CSMD2: variants seen among roughly 807,000 people sequenced by gnomAD.
The protein encoded by CSMD2 is CUB and sushi domain-containing protein 2.
A neutral mutation model predicts 398.5 loss-of-function variants in CSMD2; 130 were observed. The ratio of observed to expected loss-of-function variants is 0.33; its 90% CI spans 0.28 to 0.38. The LOEUF (loss-of-function observed/expected upper bound fraction) is 0.38, where lower values mean the gene tolerates loss of function less well. Among genes scored for constraint, CSMD2 ranks in the 10% least tolerant of loss-of-function variants. The pLI, the probability that CSMD2 is intolerant of heterozygous loss-of-function variation, is 1.00. For synonymous variants in CSMD2, 1,828 were observed against 1,908.5 expected (o/e 0.96, Z 1.10); for missense variants, 3,829 against 4,764.9 (o/e 0.80, Z 5.78).
chr1:33,549,469 C>G (rs902173110), intron 56 of CSMD2, among the ~76,000 whole-genome samples: 1 of 152,212 alleles, frequency 6.6e-6, no homozygotes, highest in East Asian at 1.9e-4. Context: ...AATTCACTTG[C>G]AAAATTTTGT....
chr1:34,100,588 C>A (rs2148409729), intron 1 of CSMD2, among the ~76,000 whole-genome samples: 1 of 152,254 alleles, frequency 6.6e-6, no homozygotes, highest in African/African-American at 2.4e-5. Context: ...TCTCGGTTTT[C>A]TTTTGTAACA....
intron 2 of CSMD2, among the ~76,000 whole-genome samples, chr1:34,035,505 C>T (rs971367982): frequency 1.3e-5 from 2 of 151,936 alleles, no homozygotes; most frequent in East Asian, 3.9e-4. Flanking sequence ...ATTTTTACAC[C>T]ATAACCAAGT....
chr1:33,759,087 T>TA (rs1557850473), intron 13 of CSMD2, among the ~76,000 whole-genome samples: 1 of 152,090 alleles, frequency 6.6e-6, no homozygotes, highest in Non-Finnish European at 1.5e-5. Context: ...ATGAAGGAAA[T>TA]AAAAAGTGAC....
intron 53 of CSMD2, among the ~76,000 whole-genome samples, chr1:33,563,364 T>C (rs1022297099): frequency 6.6e-6 from 1 of 151,954 alleles, no homozygotes; most frequent in African/African-American, 2.4e-5. Flanking sequence ...GGATTAACCA[T>C]GGGCTGGGAG....
intron 13 of CSMD2, among the ~76,000 whole-genome samples, chr1:33,763,788 G>A (rs192426847): frequency 6.6e-5 from 10 of 152,328 alleles, no homozygotes; most frequent in African/African-American, 2.2e-4. Context: ...CCTACAAACT[G>A]TTGGGGTGAG....
chr1:34,020,444 G>T (rs1009528359), intron 3 of CSMD2, among the ~76,000 whole-genome samples: 1 of 152,158 alleles, frequency 6.6e-6, no homozygotes, highest in African/African-American at 2.4e-5. Context: ...CATGAGACGG[G>T]TCTCAGGCAG....
intron 3 of CSMD2, among the ~76,000 whole-genome samples, chr1:33,980,972 G>A (rs894948220): frequency 2.2e-4 from 34 of 152,176 alleles, no homozygotes; most frequent in African/African-American, 7.2e-4. Flanking sequence ...AAGTAACATG[G>A]TGGAGCATGG....
At chr1:34,005,981 C>T (rs1647042449) in intron 3 of CSMD2, among the ~76,000 whole-genome samples, 1 of 152,234 alleles carries the variant, frequency 6.6e-6, no homozygotes, top group African/African-American at 2.4e-5. Context: ...ACTAATTGAT[C>T]TCTGCCCTCT....
intron 3 of CSMD2, among the ~76,000 whole-genome samples, chr1:33,975,116 G>C (rs907215517): frequency 1.4e-4 from 21 of 152,178 alleles, no homozygotes; most frequent in African/African-American, 5.1e-4. Context: ...CCCCAGGCTA[G>C]GTGTAGGAAG....
chr1:33,688,936 A>G (rs528895025), intron 25 of CSMD2, among the ~76,000 whole-genome samples: 1 of 152,198 alleles, frequency 6.6e-6, no homozygotes, highest in East Asian at 1.9e-4. Flanking sequence ...GTGTTTGTCT[A>G]ATTATGAGTG....
At chr1:33,864,066 C>T (rs1639764469) in intron 5 of CSMD2, 5 of 871,894 alleles carry the variant, frequency 5.7e-6, no homozygotes, top group Middle Eastern at 7.3e-4. Context: ...TGAGCCCTGA[C>T]TACAGCTCTT....
intron 3 of CSMD2, among the ~76,000 whole-genome samples, chr1:34,002,032 T>A (rs1349668291): frequency 4.6e-5 from 7 of 152,202 alleles, no homozygotes; most frequent in Non-Finnish European, 8.8e-5. Context: ...CTTCAACCTT[T>A]GTTTTTTTTT....
chr1:34,116,165 TG>T (rs1275779162), intron 1 of CSMD2, among the ~76,000 whole-genome samples: 1 of 152,064 alleles, frequency 6.6e-6, no homozygotes, highest in East Asian at 1.9e-4. Context: ...GTAGTTAAAC[TG>T]ACTTATAAAA....
At chr1:34,098,686 A>G (rs1367083726) in intron 1 of CSMD2, among the ~76,000 whole-genome samples, 1 of 152,078 alleles carries the variant, frequency 6.6e-6, no homozygotes, top group Non-Finnish European at 1.5e-5. Context: ...AAAGAAAAAG[A>G]CTTTTGCTGG....
At position 33,519,797 on chromosome 1, in the gene CSMD2, C is replaced by T. The variant is rs758443617; in HGVS notation, c.10736+15G>A. ...GCCTGCCTGATGCCCGCCCTGCCTC[C>T]TTCCTGCACGGTACCTGTGCTTGTA... On this transcript the variant is annotated intron_variant, in intron 69 of 70. Transcript: ENST00000373381. This position sits in a 1 kb window ranked among gnomAD's most constrained non-coding sequence, Gnocchi z 5.6. The T allele has an allele frequency of 1.4e-5, 23 of 1,613,444 alleles. No homozygotes were observed. The Admixed American group carries it at 3.3e-4, about 23-fold the overall frequency.
intron 31 of CSMD2, among the ~76,000 whole-genome samples, chr1:33,634,260 C>T (rs1302643900): frequency 6.6e-6 from 1 of 152,146 alleles, no homozygotes; most frequent in African/African-American, 2.4e-5. Flanking sequence ...GGACAGAGAA[C>T]ATGTCTCTCT....
At chr1:33,597,141 A>G (rs1639895369) in intron 44 of CSMD2, among the ~76,000 whole-genome samples, 2 of 152,034 alleles carry the variant, frequency 1.3e-5, no homozygotes, top group East Asian at 3.9e-4. Context: ...AGGTCTCCTT[A>G]AGGTATTTTT....
chr1:33,939,825 C>T (rs1368146841), intron 3 of CSMD2, among the ~76,000 whole-genome samples: 7 of 152,124 alleles, frequency 4.6e-5, no homozygotes, highest in Non-Finnish European at 8.8e-5. Flanking sequence ...GGAGAAAGGC[C>T]AGACTTTAGG....
chr1:33,988,651 A>C (rs1004287356), intron 3 of CSMD2, among the ~76,000 whole-genome samples: 3 of 152,058 alleles, frequency 2.0e-5, no homozygotes, highest in Non-Finnish European at 4.4e-5. Context: ...TTTATTCAGG[A>C]CTGATGCCCA....
Sources: allele counts gnomAD v4.1 joint callset (sites outside exome capture counted in the v4.1 genomes callset), GRCh38; gene constraint gnomAD v4.1.1; non-coding constraint Gnocchi (gnomAD v3.1); transcripts MANE v1.5; gene names NCBI Gene and HGNC (gene_info 2026-07-23, HGNC 2026-07-21).